NFAM1: variants seen among roughly 807,000 people sequenced by gnomAD.
NFAM1 encodes the protein NFAT activating protein with ITAM motif 1, also known as NFAT activation molecule 1.
NFAM1 carries 17 observed loss-of-function variants against 29.0 expected under a neutral mutation model. The observed-to-expected ratio is 0.59, with a 90% CI of 0.40 to 0.88. NFAM1 has a LOEUF of 0.88. Among genes scored for constraint, NFAM1 ranks in the 40% least tolerant of loss-of-function variants. The probability of loss-of-function intolerance (pLI) is 0.00; values close to 1 mark genes in which losing one functional copy is unlikely to be tolerated. For missense variants in NFAM1, 324 were observed against 344.6 expected, an observed-to-expected ratio of 0.94 and a Z score of 0.47; for synonymous variants, 175 against 147.2, an observed-to-expected ratio of 1.19 and a Z score of -1.36.
At chr22:42,427,870 TG>T (rs1400942808) in intron 1 of NFAM1, among the ~76,000 whole-genome samples, 1 of 152,048 alleles carries the variant, frequency 6.6e-6, no homozygotes, top group African/African-American at 2.4e-5. Flanking sequence ...CAAGCTGGGA[TG>T]GGGGTACCTT....
chr22:42,412,432 T>C (rs539798254), intron 1 of NFAM1, among the ~76,000 whole-genome samples: 25 of 151,796 alleles, frequency 1.6e-4, no homozygotes, highest in Admixed American at 1.6e-3. Context: ...GGTCAGGGAG[T>C]TGAAGCACTT....
At chr22:42,414,356 C>G (rs1362628098) in intron 1 of NFAM1, among the ~76,000 whole-genome samples, 1 of 152,002 alleles carries the variant, frequency 6.6e-6, no homozygotes, top group Non-Finnish European at 1.5e-5. Flanking sequence ...TGTCATAAAA[C>G]TAAGAGCCTT....
chr22:42,429,530 C>T (rs567361997), intron 1 of NFAM1, among the ~76,000 whole-genome samples: 2 of 152,168 alleles, frequency 1.3e-5, no homozygotes, highest in African/African-American at 2.4e-5. Flanking sequence ...GCAGGAGAAT[C>T]GCTTGAACCT....
chr22:42,389,848 G>T (rs980691676), intron 4 of NFAM1, among the ~76,000 whole-genome samples: 1 of 152,246 alleles, frequency 6.6e-6, no homozygotes, highest in Non-Finnish European at 1.5e-5. Flanking sequence ...GGCAGGCTGA[G>T]GCCAGAGCTG....
At chr22:42,385,955 C>T (rs1252983163) in intron 5 of NFAM1, among the ~76,000 whole-genome samples, 1 of 152,216 alleles carries the variant, frequency 6.6e-6, no homozygotes, top group African/African-American at 2.4e-5. Flanking sequence ...CAACGCCTCA[C>T]GCTTGACGGT....
chr22:42,409,562 AG>A lies in NFAM1; in HGVS notation c.452-16del. On this transcript the variant is annotated splice_polypyrimidine_tract_variant and intron_variant, in intron 2 of 5. Coordinates refer to ENST00000329021, the MANE Select transcript of NFAM1 (RefSeq NM_145912.8). This position sits in a 1 kb window ranked among gnomAD's most constrained non-coding sequence, Gnocchi z 4.9. ...GTACCCTGCGTCTAGGAGGAAGCGCAGGGGAGCAGAGGGGTCAGTGACCCAG... is the reference window on the plus strand; with the variant it reads ...GTACCCTGCGTCTAGGAGGAAGCGCAGGGAGCAGAGGGGTCAGTGACCCAG... 1 of 1,282,116 alleles carries A rather than the reference AG, an allele frequency of 7.8e-7. No homozygotes were observed. The highest frequency in any genetic ancestry group is 1.1e-6 in the Non-Finnish European group (1 of 938,800). The allele number at this position is 1,282,116 out of a possible 1,614,324, so 79.4% of individuals were successfully genotyped here.
At chr22:42,426,450 C>T (rs1283002425) in intron 1 of NFAM1, among the ~76,000 whole-genome samples, 4 of 152,212 alleles carry the variant, frequency 2.6e-5, no homozygotes, top group Non-Finnish European at 5.9e-5. Context: ...AATGAAGCCC[C>T]CAGGTGCAGC....
At chr22:42,414,048 C>T (rs952785038) in intron 1 of NFAM1, among the ~76,000 whole-genome samples, 1 of 151,688 alleles carries the variant, frequency 6.6e-6, no homozygotes, top group Non-Finnish European at 1.5e-5. Context: ...AGCAAGACTT[C>T]GTCTCAAAAA....
intron 3 of NFAM1, among the ~76,000 whole-genome samples, chr22:42,400,582 A>G (rs1039632823): frequency 6.6e-6 from 1 of 152,180 alleles, no homozygotes; most frequent in Admixed American, 6.5e-5. Flanking sequence ...GCACCATTGC[A>G]CTCCAGCCTG....
At chr22:42,432,757 T>C (rs1601767866), upstream of NFAM1, among the ~76,000 whole-genome samples, 2 of 152,202 alleles carry the variant, frequency 1.3e-5, no homozygotes, top group Admixed American at 6.5e-5. Flanking sequence ...ACCACAAGCA[T>C]GTTCACACAA....
intron 1 of NFAM1, among the ~76,000 whole-genome samples, chr22:42,425,360 T>C (rs942960214): frequency 6.6e-6 from 1 of 152,202 alleles, no homozygotes; most frequent in Non-Finnish European, 1.5e-5. Context: ...TTAAAATATA[T>C]ATGCTTCTGG....
chr22:42,432,516 A>T, upstream of NFAM1: 1 of 998,620 alleles, frequency 1.0e-6, no homozygotes, highest in Non-Finnish European at 1.4e-6. Context: ...TGGCCGCCAG[A>T]TGAGGAACCT....
chr22:42,437,099 G>A (rs1032347556), upstream of NFAM1: 29 of 506,982 alleles, frequency 5.7e-5, no homozygotes, highest in Non-Finnish European at 7.1e-5. Flanking sequence ...TCAAGATCTG[G>A]AAGAAACAAA....
chr22:42,426,585 G>A (rs1178416053), intron 1 of NFAM1, among the ~76,000 whole-genome samples: 1 of 152,188 alleles, frequency 6.6e-6, no homozygotes, highest in African/African-American at 2.4e-5. Context: ...GTGGGGCCTG[G>A]CCCTCCAGGC....
upstream of NFAM1, chr22:42,436,991 A>T (rs2146567464): frequency 1.0e-6 from 1 of 984,800 alleles, no homozygotes; most frequent in Non-Finnish European, 1.2e-6. Context: ...GGGCTTTTCT[A>T]CTGGACACAT....
intron 1 of NFAM1, among the ~76,000 whole-genome samples, chr22:42,421,837 C>A (rs1285298965): frequency 1.3e-5 from 2 of 152,226 alleles, no homozygotes; most frequent in Non-Finnish European, 2.9e-5. Context: ...TCTCTCAGAG[C>A]TGTGCCTTTT....
rs1413238739 is a variant in NFAM1, at chr22:42,392,031, AGAG to A, written c.664-4956_664-4954del. On this transcript the variant is annotated intron_variant, in intron 4 of 5. Coordinates refer to ENST00000329021, the MANE Select transcript of NFAM1 (RefSeq NM_145912.8). ...TCAAGTGGGGTTGACTCTGGTGTTC[AGAG>A]GAGATGTCTGGGCTGGAAATATAAA... is the stretch of plus-strand genomic sequence containing the variant. 3.9e-5 allele frequency among the ~76,000 whole-genome samples: 6 copies of A among 151,904 alleles called. 1 individual carries two copies. The highest frequency in any genetic ancestry group is 1.2e-4 in the African/African-American group (5 of 41,384).
At chr22:42,435,539 A>C (rs1380643183), upstream of NFAM1, among the ~76,000 whole-genome samples, 1 of 151,414 alleles carries the variant, frequency 6.6e-6, no homozygotes, top group Non-Finnish European at 1.5e-5. Context: ...TAGAGATGGC[A>C]TTTCTTCATG....
chr22:42,427,567 T>C (rs111969695), intron 1 of NFAM1, among the ~76,000 whole-genome samples: 7,288 of 152,240 alleles, frequency 0.048, 195 homozygotes, highest in African/African-American at 0.073. Flanking sequence ...CTTAAAAATA[T>C]AAAAACCATT....
Sources: gnomAD v4.1 joint callset for allele counts (sites outside exome capture counted in the v4.1 genomes callset) on GRCh38, gnomAD v4.1.1 for gene constraint, Gnocchi (gnomAD v3.1) non-coding constraint, MANE v1.5 for transcripts, NCBI Gene and HGNC (gene_info 2026-07-23, HGNC 2026-07-21) for gene names.